LINGO2: variants seen among roughly 807,000 people sequenced by gnomAD.
LINGO2 encodes leucine rich repeat and Ig domain containing 2.
In LINGO2, 14 loss-of-function variants were observed where a neutral mutation model predicts 30.6. That is an observed-to-expected ratio of 0.46 (90% CI 0.30 to 0.72). LINGO2 has a LOEUF of 0.72. Ranked by LOEUF, LINGO2 falls within the 30% of genes least tolerant of loss-of-function variation. The pLI is 0.07. For synonymous variants in LINGO2, 317 were observed against 288.5 expected, an observed-to-expected ratio of 1.10 and a Z score of -1.00; for missense variants, 729 against 751.7, an observed-to-expected ratio of 0.97 and a Z score of 0.35.
intron 1 of LINGO2, among the ~76,000 whole-genome samples, chr9:28,651,326 C>G (rs1218147010): frequency 6.6e-6 from 1 of 152,078 alleles, no homozygotes; most frequent in Non-Finnish European, 1.5e-5. Flanking sequence ...ACTTTTTGAG[C>G]AGGGGAAGGC....
At chr9:28,356,039 T>C (rs970434693) in intron 3 of LINGO2, among the ~76,000 whole-genome samples, 1 of 152,174 alleles carries the variant, frequency 6.6e-6, no homozygotes, top group African/African-American at 2.4e-5. Context: ...CTAGTGTCTA[T>C]ACAGAGCTAT....
At chr9:28,984,803 T>C in the LINGO2 span, among the ~76,000 whole-genome samples, 4 of 152,126 alleles carry the variant, frequency 2.6e-5, no homozygotes, top group East Asian at 1.9e-4. Context: ...ATGAATACAA[T>C]GTGGAATAAT....
intron 1 of LINGO2, among the ~76,000 whole-genome samples, chr9:28,654,672 T>C (rs1489773678): frequency 6.6e-6 from 1 of 152,098 alleles, no homozygotes; most frequent in Admixed American, 6.6e-5. Flanking sequence ...GCCTCATAGC[T>C]TTTGAAGAGG....
the LINGO2 span, among the ~76,000 whole-genome samples, chr9:28,804,270 T>G: frequency 3.3e-5 from 5 of 152,212 alleles, no homozygotes; most frequent in South Asian, 8.3e-4. Flanking sequence ...TTGGGGCCAA[T>G]GTGGTCTCTG....
chr9:28,032,336 C>T (rs546179026), intron 4 of LINGO2, among the ~76,000 whole-genome samples: 2 of 152,268 alleles, frequency 1.3e-5, no homozygotes, highest in East Asian at 3.9e-4. Flanking sequence ...TGCCCAGCAC[C>T]CCACCTCAGT....
the LINGO2 span, among the ~76,000 whole-genome samples, chr9:28,750,129 T>C: frequency 1.3e-5 from 2 of 152,254 alleles, no homozygotes; most frequent in South Asian, 4.1e-4. Context: ...TGGTGGGACC[T>C]GGCTTCAAAG....
chr9:29,125,051 A>T, the LINGO2 span, among the ~76,000 whole-genome samples: 1 of 152,244 alleles, frequency 6.6e-6, no homozygotes, highest in Admixed American at 6.5e-5. Context: ...AAAATGTGGC[A>T]TATATACACC....
chr9:28,754,922 C>A, the LINGO2 span, among the ~76,000 whole-genome samples: 1 of 151,956 alleles, frequency 6.6e-6, no homozygotes. Flanking sequence ...TAAGCCACCA[C>A]GCCCAGCCTT....
intron 4 of LINGO2, among the ~76,000 whole-genome samples, chr9:28,264,461 A>C (rs1426764337): frequency 1.3e-5 from 2 of 152,038 alleles, no homozygotes; most frequent in Non-Finnish European, 2.9e-5. Context: ...AGGCAAACTG[A>C]ACTGTAAAAG....
chr9:28,554,018 C>A (rs1305935685), intron 1 of LINGO2, among the ~76,000 whole-genome samples: 1 of 152,070 alleles, frequency 6.6e-6, no homozygotes, highest in South Asian at 2.1e-4. Context: ...TAGAAAGGAA[C>A]AACTGGTACC....
At chr9:28,563,565 T>C (rs1823213873) in intron 1 of LINGO2, among the ~76,000 whole-genome samples, 1 of 152,194 alleles carries the variant, frequency 6.6e-6, no homozygotes, top group Admixed American at 6.5e-5. Flanking sequence ...TGCAGTTCTA[T>C]GCAAATGCAA....
intron 5 of LINGO2, among the ~76,000 whole-genome samples, chr9:27,984,664 C>T (rs1004785868): frequency 1.3e-5 from 2 of 151,736 alleles, no homozygotes; most frequent in Non-Finnish European, 2.9e-5. Context: ...GTGTTCCTAG[C>T]TCTGGAGTAG....
chr9:28,554,225 C>T (rs979013904), intron 1 of LINGO2, among the ~76,000 whole-genome samples: 1 of 151,518 alleles, frequency 6.6e-6, no homozygotes, highest in East Asian at 1.9e-4. Flanking sequence ...AGAGTCAAGA[C>T]CCATCAGTGT....
the LINGO2 span, among the ~76,000 whole-genome samples, chr9:29,081,081 C>A: frequency 1.3e-4 from 20 of 152,128 alleles, no homozygotes; most frequent in South Asian, 3.9e-3. Flanking sequence ...TTTTATGAGG[C>A]CAGCATCATC....
intron 1 of LINGO2, among the ~76,000 whole-genome samples, chr9:28,509,796 T>C (rs918612913): frequency 6.6e-6 from 1 of 152,234 alleles, no homozygotes; most frequent in Non-Finnish European, 1.5e-5. Context: ...AAATAAAAGT[T>C]CATTGTTTTA....
the LINGO2 span, among the ~76,000 whole-genome samples, chr9:28,871,171 T>C: frequency 1.3e-5 from 2 of 151,744 alleles, no homozygotes; most frequent in Admixed American, 1.3e-4. Context: ...TCAATATTGC[T>C]ATGTAGATAC....
intron 1 of LINGO2, among the ~76,000 whole-genome samples, chr9:28,532,694 T>A (rs992756098): frequency 2.6e-5 from 4 of 152,090 alleles, no homozygotes; most frequent in African/African-American, 9.7e-5. Context: ...CAGTTCATCC[T>A]GAGAAAGGAA....
chr9:28,310,846 TC>T (rs1191017744), intron 3 of LINGO2, among the ~76,000 whole-genome samples: 1 of 152,150 alleles, frequency 6.6e-6, no homozygotes, highest in African/African-American at 2.4e-5. Flanking sequence ...AGAAACATTG[TC>T]CCCAATCTGA....
chr9:29,027,486 C>T, the LINGO2 span, among the ~76,000 whole-genome samples: 2,169 of 152,118 alleles, frequency 0.014, 38 homozygotes, highest in African/African-American at 0.048. Context: ...TACAGGCACA[C>T]GCCACCACAC....
Sources: gnomAD v4.1 joint callset for allele counts (sites outside exome capture counted in the v4.1 genomes callset) on GRCh38, gnomAD v4.1.1 for gene constraint, MANE v1.5 for transcripts, NCBI Gene and HGNC (gene_info 2026-07-23, HGNC 2026-07-21) for gene names.